The following SKA3 variants were observed in gnomAD, a reference collection of about 807,000 sequenced individuals.
SKA3 encodes the protein spindle and kinetochore-associated protein 3.
SKA3 carries 39 observed loss-of-function variants against 44.2 expected under a neutral mutation model. The ratio of observed to expected loss-of-function variants is 0.88; its 90% confidence interval spans 0.68 to 1.15. The LOEUF (loss-of-function observed/expected upper bound fraction) is 1.15, where lower values mean the gene tolerates loss of function less well. Among genes scored for constraint, SKA3 ranks in the 50% most tolerant of loss-of-function variants. The probability of loss-of-function intolerance (pLI) is 0.00; values close to 1 mark genes in which losing one functional copy is unlikely to be tolerated. For missense variants in SKA3, 511 were observed against 485.8 expected, an observed-to-expected ratio of 1.05 and a Z score of -0.49; for synonymous variants, 192 against 172.0, an observed-to-expected ratio of 1.12 and a Z score of -0.91.
chr13:21,157,846 C>T, intron 7 of SKA3, 76 bp downstream of exon 7: 1 of 861,322 alleles, frequency 1.2e-6, no homozygotes, highest in Non-Finnish European at 1.6e-6. Flanking sequence ...AGTTTATATG[C>T]AGTTTCAGGT....
chr13:21,171,551 C>T lies in SKA3; in HGVS notation c.331+788G>A, dbSNP rs114071640. 5.2e-3 allele frequency among the ~76,000 whole-genome samples: 772 copies of T among 147,524 alleles called. 5 individuals are homozygous for T. The highest frequency in any genetic ancestry group is 0.017 in the African/African-American group (678 of 39,652). On this transcript the variant is annotated intron_variant, in intron 3 of 8. Transcript: ENST00000314759. ...GAGATCGCGCCACTGCACGACTGAG[C>T]GAGACTCCATCTCAAAAAAAAAAAA... is the stretch of plus-strand genomic sequence containing the variant.
At chr13:21,157,238 G>A (rs1442452824) in intron 7 of SKA3, among the ~76,000 whole-genome samples, 1 of 152,188 alleles carries the variant, frequency 6.6e-6, no homozygotes, top group Non-Finnish European at 1.5e-5. Flanking sequence ...TAAAGAATCA[G>A]ATACAGTCAG....
At chr13:21,159,582 T>A (rs1189625550) in intron 6 of SKA3, among the ~76,000 whole-genome samples, 1 of 152,186 alleles carries the variant, frequency 6.6e-6, no homozygotes, top group Non-Finnish European at 1.5e-5. Flanking sequence ...GTGTTTTAGT[T>A]CTTTGATATC....
At chr13:21,174,758 C>G (rs990739663) in intron 1 of SKA3, among the ~76,000 whole-genome samples, 1 of 79,934 alleles carries the variant, frequency 1.3e-5, no homozygotes, top group African/African-American at 4.1e-5. Context: ...AAAAAAAGTG[C>G]GTACTGCTCC....
At position 21,157,985 on chromosome 13, in the gene SKA3, A is replaced by C; in HGVS notation, c.1056T>G (p.Tyr352Ter). Residue 352 changes from tyrosine (Y) to a stop codon, truncating the protein, a stop_gained, in exon 7 of 9, where the codon TAT (tyrosine) becomes TAG (stop). Transcript: ENST00000314759. LOFTEE classifies it high-confidence loss of function. Reference protein sequence around the residue: ...TDPSSPTISSYENLLRTPTPP... With the variant: ...TDPSSPTISS ...GTGTAGGTGTTCTGAGCAGATTCTC[A>C]TAAGAAGAAATCGTAGGTGAAGAGG... is the stretch of plus-strand genomic sequence containing the variant. 1 of 1,613,378 alleles carries C rather than the reference A, an allele frequency of 6.2e-7. No individual in the cohort carries two copies. Among genetic ancestry groups the C allele is most frequent in the South Asian group, 1.1e-5 (1 of 91,070 alleles).
rs767324643 is a variant in SKA3 at position 21,176,344 on chromosome 13, G to A, written c.103+31C>T. The A allele has an allele frequency of 6.4e-5, 78 of 1,223,394 alleles. 1 individual carries two copies. In the Admixed American group the frequency reaches 1.9e-3, roughly 30 times the overall value. The allele number at this position is 1,223,394 out of a possible 1,614,324, so 75.8% of individuals were successfully genotyped here. On this transcript the variant is annotated intron_variant, in intron 1 of 8. Coordinates refer to ENST00000314759, the MANE Select transcript of SKA3 (RefSeq NM_145061.6). ...CCCCTCCGCCCGCGGCGCACCCCAC[G>A]CACCGTGCCCTGGCCGCCCGCCTCA...
chr13:21,167,968 C>A lies in SKA3; in HGVS notation c.743+20G>T. ...GTTTAGAAAGCTAGATAAAATATGC[C>A]TTTTAACAGAGCTGCTTACCTTTTA... On this transcript the variant is annotated intron_variant, in intron 4 of 8. Coordinates refer to ENST00000314759, the MANE Select transcript of SKA3 (RefSeq NM_145061.6). 2.6e-6 allele frequency: 4 copies of A among 1,518,196 alleles called. No individual in the cohort carries two copies. Among genetic ancestry groups the A allele is most frequent in the South Asian group, 1.3e-5 (1 of 75,344 alleles). The allele number at this position is 1,518,196 out of a possible 1,614,324, so 94.0% of individuals were successfully genotyped here. A position where few individuals can be genotyped will look rare whatever the true frequency, so the allele number is the denominator to read the frequency against.
At chr13:21,157,441 C>T (rs1870172648) in intron 7 of SKA3, among the ~76,000 whole-genome samples, 1 of 152,190 alleles carries the variant, frequency 6.6e-6, no homozygotes, top group Admixed American at 6.5e-5. Context: ...GCACTTGCTA[C>T]ACAGTGATAA....
At chr13:21,165,312 C>T (rs1870648044) in intron 4 of SKA3, among the ~76,000 whole-genome samples, 1 of 151,580 alleles carries the variant, frequency 6.6e-6, no homozygotes, top group Non-Finnish European at 1.5e-5. Context: ...CCACCTACTC[C>T]TTGGGAAGCT....
intron 3 of SKA3, among the ~76,000 whole-genome samples, chr13:21,170,930 T>TGTATGTAC (rs896887287): frequency 4.6e-5 from 7 of 151,878 alleles, no homozygotes; most frequent in Admixed American, 4.6e-4. Context: ...TATGTATGTA[T>TGTATGTAC]GTATTTTATT....
At chr13:21,158,971 G>A (rs967776603) in intron 6 of SKA3, among the ~76,000 whole-genome samples, 14 of 152,134 alleles carry the variant, frequency 9.2e-5, no homozygotes, top group African/African-American at 3.4e-4. Flanking sequence ...GTACTAACAG[G>A]CAGATAACCT....
intron 4 of SKA3, among the ~76,000 whole-genome samples, chr13:21,166,845 T>C (rs1009822148): frequency 2.6e-5 from 4 of 152,246 alleles, no homozygotes; most frequent in African/African-American, 9.6e-5. Flanking sequence ...AATTCTACTC[T>C]TTTAAAAATC....
chr13:21,160,065 T>TA, intron 5 of SKA3, 78 bp from the exon 6 acceptor site: 1 of 881,808 alleles, frequency 1.1e-6, no homozygotes, highest in Non-Finnish European at 1.6e-6. Context: ...ATCTCATATT[T>TA]ACATATGTAA....
In SKA3 at chr13:21,161,886, TCATAGGGAA is replaced by T; in HGVS notation, c.744-20_744-12del. On this transcript the variant is annotated splice_polypyrimidine_tract_variant and intron_variant, in intron 4 of 8. Coordinates refer to ENST00000314759, the MANE Select transcript of SKA3 (RefSeq NM_145061.6). ...TCTATGGCCTCCTCACTGGTGTGAT[TCATAGGGAA>T]ATTACAAGGTTAAAAAAGTTAACAT... The T allele has an allele frequency of 6.3e-7, 1 of 1,582,222 alleles. No individual in the cohort carries two copies. Among genetic ancestry groups the T allele is most frequent in the Non-Finnish European group, 8.6e-7 (1 of 1,162,228 alleles).
chr13:21,164,577 G>A (rs1870606448), intron 4 of SKA3, among the ~76,000 whole-genome samples: 1 of 152,110 alleles, frequency 6.6e-6, no homozygotes, highest in African/African-American at 2.4e-5. Flanking sequence ...TATTTTGATA[G>A]ACAAAACTGT....
chr13:21,164,488 A>G (rs946595469), intron 4 of SKA3, among the ~76,000 whole-genome samples: 2 of 152,244 alleles, frequency 1.3e-5, no homozygotes, highest in Non-Finnish European at 2.9e-5. Flanking sequence ...AACTCTTTCC[A>G]TGATACATTC....
chr13:21,158,272 G>T, intron 6 of SKA3, 147 bp from the exon 7 acceptor site: 1 of 591,494 alleles, frequency 1.7e-6, no homozygotes, highest in Non-Finnish European at 3.0e-6. Flanking sequence ...ACAAAATCAA[G>T]AACAAATGGC....
rs2137351741 is a variant in SKA3, at chr13:21,154,932, AAGAGTGAAT to A, written c.*209_*217del. 2.7e-6 allele frequency: 2 copies of A among 731,210 alleles called. No homozygotes were observed. Among genetic ancestry groups the A allele is most frequent in the South Asian group, 3.8e-5 (2 of 53,332 alleles). 45.3% of individuals were successfully genotyped at this position (731,210 alleles called of 1,614,324 possible). A position where few individuals can be genotyped will look rare whatever the true frequency, so the allele number is the denominator to read the frequency against. On this transcript the variant is annotated 3_prime_UTR_variant, in exon 9 of 9. Coordinates refer to ENST00000314759, the MANE Select transcript of SKA3 (RefSeq NM_145061.6). ...ATCAATGAAACACTAATAATCCTTA[AAGAGTGAAT>A]GACTGGGCTACATGTCAACAAGACT...
chr13:21,168,878 G>C (rs923432049), intron 3 of SKA3, among the ~76,000 whole-genome samples: 3 of 152,108 alleles, frequency 2.0e-5, no homozygotes, highest in African/African-American at 7.2e-5. Context: ...TGTATCTCTT[G>C]TGCACCCATA....
Sources: allele counts gnomAD v4.1 joint callset (sites outside exome capture counted in the v4.1 genomes callset), GRCh38; gene constraint gnomAD v4.1.1; transcripts MANE v1.5; gene names NCBI Gene and HGNC (gene_info 2026-07-23, HGNC 2026-07-21).